The following CNTNAP2 variants were observed in gnomAD, a reference collection of about 807,000 sequenced individuals.
CNTNAP2 encodes the protein contactin associated protein 2, also known as contactin-associated protein-like 2.
CNTNAP2 carries 98 observed loss-of-function variants against 155.2 expected under a neutral mutation model. That is an observed-to-expected ratio of 0.63 (90% confidence interval 0.54 to 0.75). The LOEUF (loss-of-function observed/expected upper bound fraction) is 0.75. Among genes scored for constraint, CNTNAP2 ranks in the 30% least tolerant of loss-of-function variants. CNTNAP2 has a pLI of 0.00. For missense variants in CNTNAP2, 1,727 were observed against 1,688.1 expected, an observed-to-expected ratio of 1.02 and a Z score of -0.40; for synonymous variants, 651 against 631.2, an observed-to-expected ratio of 1.03 and a Z score of -0.47.
chr7:146,295,573 C>T (rs1259588691), intron 1 of CNTNAP2, among the ~76,000 whole-genome samples: 2 of 152,044 alleles, frequency 1.3e-5, no homozygotes, highest in African/African-American at 4.8e-5. Context: ...TACCCCCATT[C>T]ACCCATTAAA....
chr7:148,212,568 T>G (rs563425194), intron 18 of CNTNAP2, among the ~76,000 whole-genome samples: 1 of 152,354 alleles, frequency 6.6e-6, no homozygotes, highest in Admixed American at 6.5e-5. Flanking sequence ...ATTACTAGTA[T>G]CTATATTACT....
chr7:146,484,864 T>A (rs938965389), intron 1 of CNTNAP2, among the ~76,000 whole-genome samples: 15 of 152,294 alleles, frequency 9.8e-5, no homozygotes, highest in Non-Finnish European at 1.3e-4. Flanking sequence ...TATTCTTATT[T>A]TTAAGGTATA....
At chr7:147,236,580 G>GT (rs554508105) in intron 8 of CNTNAP2, among the ~76,000 whole-genome samples, 50 of 145,020 alleles carry the variant, frequency 3.4e-4, no homozygotes, top group East Asian at 6.1e-4. Flanking sequence ...TTTTTGGTTG[G>GT]TTTTTTTTTT....
intron 15 of CNTNAP2, among the ~76,000 whole-genome samples, chr7:148,004,303 T>C (rs1245862825): frequency 6.6e-6 from 1 of 152,176 alleles, no homozygotes; most frequent in Non-Finnish European, 1.5e-5. Flanking sequence ...TAAAAAAGTA[T>C]TTCTCAATTG....
intron 12 of CNTNAP2, among the ~76,000 whole-genome samples, chr7:147,637,295 G>GT (rs1363557159): frequency 6.6e-6 from 1 of 152,172 alleles, no homozygotes; most frequent in African/African-American, 2.4e-5. Context: ...AACCCTAGTA[G>GT]TGGTGGTGGG....
intron 4 of CNTNAP2, among the ~76,000 whole-genome samples, chr7:147,075,358 A>G (rs1799975671): frequency 6.6e-6 from 1 of 152,076 alleles, no homozygotes; most frequent in Non-Finnish European, 1.5e-5. Context: ...TTACTTTTAT[A>G]TACTCATTTA....
rs569702676 is a variant in CNTNAP2 at position 148,072,571 on chromosome 7, C to G, written c.2384-45547C>G. Among the ~76,000 whole-genome samples, 33 of 152,310 alleles carry G rather than the reference C, an allele frequency of 2.2e-4. No homozygotes were observed. In the South Asian group the frequency reaches 4.6e-3, roughly 21 times the overall value. On this transcript the variant is annotated intron_variant, in intron 15 of 23. Coordinates refer to ENST00000361727, the MANE Select transcript of CNTNAP2 (RefSeq NM_014141.6). ...CAAAAGCCATTCTTAGCCTGTGGGTCGCACAAAAACAGGCAGCAGGCCATG... is the reference window on the plus strand; with the variant it reads ...CAAAAGCCATTCTTAGCCTGTGGGTGGCACAAAAACAGGCAGCAGGCCATG...
intron 1 of CNTNAP2, among the ~76,000 whole-genome samples, chr7:146,127,446 G>A (rs556609709): frequency 6.6e-6 from 1 of 152,242 alleles, no homozygotes; most frequent in African/African-American, 2.4e-5. Context: ...CCATAGTATC[G>A]ACAACAGAAG....
At chr7:147,472,648 G>C (rs553403827) in intron 10 of CNTNAP2, among the ~76,000 whole-genome samples, 47 of 152,282 alleles carry the variant, frequency 3.1e-4, no homozygotes, top group African/African-American at 1.1e-3. Flanking sequence ...GGGGTTAGGA[G>C]GTTGAACTGG....
At chr7:147,949,358 A>G (rs892018173) in intron 14 of CNTNAP2, among the ~76,000 whole-genome samples, 6 of 151,526 alleles carry the variant, frequency 4.0e-5, no homozygotes, top group Admixed American at 3.3e-4. Flanking sequence ...TTGCTGTCCC[A>G]GGGGTGAAAG....
chr7:147,206,060 A>G (rs1202032278), intron 8 of CNTNAP2, among the ~76,000 whole-genome samples: 7 of 152,142 alleles, frequency 4.6e-5, no homozygotes, highest in African/African-American at 1.7e-4. Flanking sequence ...AAAATGTTCA[A>G]GGAAGCATGC....
intron 8 of CNTNAP2, among the ~76,000 whole-genome samples, chr7:147,284,665 G>A (rs1805136673): frequency 6.6e-6 from 1 of 151,836 alleles, no homozygotes; most frequent in African/African-American, 2.4e-5. Flanking sequence ...ATCCTAATAT[G>A]TGTTACTTCA....
chr7:146,772,931 A>AG lies in CNTNAP2; in HGVS notation c.98-1339dup, dbSNP rs1243699479. Among the ~76,000 whole-genome samples, 4 of 152,222 alleles carry AG rather than the reference A, an allele frequency of 2.6e-5. No individual in the cohort carries two copies. In the East Asian group the frequency reaches 7.7e-4, roughly 29 times the overall value. Reference sequence around the variant, plus strand: ...GCTGCTGCCGGCAAAACTATAGCAGAGTGAGAGGGGAAGCAGGGAGACCAC... The same window carrying AG: ...GCTGCTGCCGGCAAAACTATAGCAGAGGTGAGAGGGGAAGCAGGGAGACCAC... On this transcript the variant is annotated intron_variant, in intron 1 of 23. Transcript: ENST00000361727.
intron 3 of CNTNAP2, among the ~76,000 whole-genome samples, chr7:147,019,593 G>T (rs1313016309): frequency 6.6e-6 from 1 of 152,006 alleles, no homozygotes; most frequent in Non-Finnish European, 1.5e-5. Context: ...TGATATTAAG[G>T]ACTTATTATT....
Position 148,222,438 on chromosome 7 carries a change from A to T in CNTNAP2, c.3247+4914A>T, listed in dbSNP as rs74183832. On this transcript the variant is annotated intron_variant, in intron 19 of 23. Coordinates refer to ENST00000361727, the MANE Select transcript of CNTNAP2 (RefSeq NM_014141.6). ...CTCAGGCCTCTCTTCCTCTTCTTAT[A>T]GACAGTCCCACTCCCATGAGAACCT... 4.6e-4 allele frequency among the ~76,000 whole-genome samples: 70 copies of T among 152,166 alleles called. No individual in the cohort carries two copies. In the East Asian group the frequency reaches 0.011, roughly 24 times the overall value.
chr7:146,536,885 G>T (rs1563125107), intron 1 of CNTNAP2, among the ~76,000 whole-genome samples: 1 of 152,024 alleles, frequency 6.6e-6, no homozygotes, highest in Non-Finnish European at 1.5e-5. Context: ...CTCTGTATTT[G>T]CAAATAGTTC....
chr7:147,736,627 G>A (rs924497852), intron 13 of CNTNAP2, among the ~76,000 whole-genome samples: 1 of 151,972 alleles, frequency 6.6e-6, no homozygotes, highest in Admixed American at 6.5e-5. Context: ...TTTCCAACTT[G>A]GTTCCATTCT....
At chr7:147,580,270 A>G (rs1269523030) in intron 12 of CNTNAP2, among the ~76,000 whole-genome samples, 1 of 151,702 alleles carries the variant, frequency 6.6e-6, no homozygotes, top group East Asian at 1.9e-4. Context: ...CACTCCTCCC[A>G]CCCCTGTGAG....
intron 12 of CNTNAP2, among the ~76,000 whole-genome samples, chr7:147,579,451 T>A (rs1367201641): frequency 6.6e-6 from 1 of 152,174 alleles, no homozygotes; most frequent in Non-Finnish European, 1.5e-5. Flanking sequence ...TTTCAAATAA[T>A]CTGTTATAAT....
Sources: gnomAD v4.1 joint callset for allele counts (sites outside exome capture counted in the v4.1 genomes callset) on GRCh38, gnomAD v4.1.1 for gene constraint, MANE v1.5 for transcripts, NCBI Gene and HGNC (gene_info 2026-07-23, HGNC 2026-07-21) for gene names.